PKN2: variants seen among roughly 807,000 people sequenced by gnomAD.
PKN2 encodes serine/threonine-protein kinase N2.
PKN2 carries 38 observed loss-of-function variants against 119.1 expected under a neutral mutation model. The ratio of observed to expected loss-of-function variants is 0.32; its 90% CI spans 0.25 to 0.42. PKN2 has a LOEUF of 0.42. Among genes scored for constraint, PKN2 ranks in the 10% least tolerant of loss-of-function variants. The probability of loss-of-function intolerance (pLI) is 1.00; values close to 1 mark genes in which losing one functional copy is unlikely to be tolerated. For synonymous variants in PKN2, 390 were observed against 384.9 expected (o/e 1.01, Z -0.15); for missense variants, 850 against 1,165.1 (o/e 0.73, Z 3.94).
chr1:88,793,352 A>G (rs1670925803), intron 8 of PKN2, among the ~76,000 whole-genome samples: 1 of 152,106 alleles, frequency 6.6e-6, no homozygotes, highest in Non-Finnish European at 1.5e-5. Flanking sequence ...ATGCTATGTG[A>G]TTCATCTGCA....
intron 15 of PKN2, among the ~76,000 whole-genome samples, chr1:88,808,600 G>C (rs1019359116): frequency 2.0e-5 from 3 of 152,066 alleles, no homozygotes; most frequent in Non-Finnish European, 2.9e-5. Flanking sequence ...CACCGTGCCC[G>C]GCCCCACAAT....
intron 2 of PKN2, among the ~76,000 whole-genome samples, chr1:88,758,576 A>C (rs944681791): frequency 6.6e-6 from 1 of 151,924 alleles, no homozygotes; most frequent in African/African-American, 2.4e-5. Context: ...GTTCTCCTCT[A>C]TGTGTCCATG....
chr1:88,697,777 A>T lies in PKN2; in HGVS notation c.48+13149A>T, dbSNP rs180867715. ...ATACTATGATTAGTGATTTTTCCTC[A>T]CCTGTATTTTTACTACATTCTGTCA... On this transcript the variant is annotated intron_variant, in intron 1 of 21. Coordinates refer to ENST00000370521, the MANE Select transcript of PKN2 (RefSeq NM_006256.4). Among the ~76,000 whole-genome samples the T allele has an allele frequency of 5.9e-5, 9 of 152,188 alleles. No individual in the cohort carries two copies. In the East Asian group the frequency reaches 1.5e-3, roughly 26 times the overall value.
chr1:88,786,883 C>G (rs891933507), intron 8 of PKN2, among the ~76,000 whole-genome samples: 1 of 151,654 alleles, frequency 6.6e-6, no homozygotes, highest in African/African-American at 2.4e-5. Context: ...ATTTACAATG[C>G]TTAACTATGT....
intron 1 of PKN2, among the ~76,000 whole-genome samples, chr1:88,706,115 A>G (rs1666993350): frequency 6.6e-6 from 1 of 152,196 alleles, no homozygotes; most frequent in Non-Finnish European, 1.5e-5. Flanking sequence ...TGTCTGTTCT[A>G]TGATAAACAA....
chr1:88,807,798 G>A, intron 15 of PKN2, 23 bp downstream of exon 15: 4 of 1,367,298 alleles, frequency 2.9e-6, no homozygotes, highest in African/African-American at 2.9e-5. Flanking sequence ...AAATGAAATT[G>A]TTTATTTTTC....
intron 1 of PKN2, among the ~76,000 whole-genome samples, chr1:88,714,192 G>A (rs1316630202): frequency 2.0e-5 from 3 of 152,136 alleles, no homozygotes; most frequent in Non-Finnish European, 4.4e-5. Context: ...TAGCCTTGTA[G>A]TATAGTTTAA....
In PKN2 at chr1:88,714,298, G is replaced by GT. The variant is rs1667359852; in HGVS notation, c.49-26684dup. The stretch of plus-strand genomic sequence containing the variant: ...TTGGTTCCGTATGAACTTTAAAGTA[G>GT]TTTTTTCCAATTCTGTGAAGAAAGG... On this transcript the variant is annotated intron_variant, in intron 1 of 21. Coordinates refer to ENST00000370521, the MANE Select transcript of PKN2 (RefSeq NM_006256.4). Among the ~76,000 whole-genome samples the GT allele has an allele frequency of 2.0e-5, 3 of 152,160 alleles. No individual in the cohort carries two copies. In the South Asian group the frequency reaches 6.2e-4, roughly 32 times the overall value.
At position 88,813,561 on chromosome 1, in the gene PKN2, A is replaced by G; in HGVS notation, c.2107A>G (p.Met703Val). 1 of 1,575,190 alleles carries G rather than the reference A, an allele frequency of 6.3e-7. No homozygotes were observed. The highest frequency in any genetic ancestry group is 1.2e-5 in the South Asian group (1 of 85,822). ...IVARDEVDSL[M>V]CEKRIFETVN... ...TTAAAATATTTTCTTTTACAGCCTG[A>G]TGTGTGAAAAAAGAATTTTTGAAAC... The change falls in exon 16 of 22, where the codon ATG becomes GTG. Residue 703 changes from methionine (M) to valine (V), a missense_variant. Physicochemically the swap from Met to Val is conservative, Grantham distance 21. Transcript: ENST00000370521.
At chr1:88,810,479 A>G (rs1419408029) in intron 15 of PKN2, among the ~76,000 whole-genome samples, 1 of 152,150 alleles carries the variant, frequency 6.6e-6, no homozygotes, top group Non-Finnish European at 1.5e-5. Context: ...TAAATAGTAA[A>G]TAACTCAAGC....
At chr1:88,784,362 A>G (rs750876234) in intron 6 of PKN2, among the ~76,000 whole-genome samples, 5 of 151,880 alleles carry the variant, frequency 3.3e-5, no homozygotes, top group South Asian at 2.1e-4. Context: ...AATTCAGGCA[A>G]TCCACCCAAA....
chr1:88,742,745 G>A (rs980170914), intron 2 of PKN2, among the ~76,000 whole-genome samples: 16 of 151,464 alleles, frequency 1.1e-4, no homozygotes, highest in Admixed American at 5.9e-4. Context: ...CTTTAGGAGC[G>A]GTCTAAAATA....
intron 1 of PKN2, among the ~76,000 whole-genome samples, chr1:88,733,923 G>C (rs756021442): frequency 6.6e-6 from 1 of 152,146 alleles, no homozygotes; most frequent in South Asian, 2.1e-4. Context: ...ATTTGGGGGG[G>C]TCAAGGCAGG....
chr1:88,709,957 AATG>A (rs1232792293), intron 1 of PKN2, among the ~76,000 whole-genome samples: 1 of 152,182 alleles, frequency 6.6e-6, no homozygotes, highest in Non-Finnish European at 1.5e-5. Context: ...CAGGTAAAAA[AATG>A]ATCCTTAGGA....
chr1:88,738,718 C>T (rs769659783), intron 1 of PKN2, among the ~76,000 whole-genome samples: 4 of 152,144 alleles, frequency 2.6e-5, no homozygotes, highest in Non-Finnish European at 4.4e-5. Flanking sequence ...AACAAATCTG[C>T]GAAAGCAGTT....
At chr1:88,722,540 T>C (rs926359253) in intron 1 of PKN2, among the ~76,000 whole-genome samples, 3 of 152,066 alleles carry the variant, frequency 2.0e-5, no homozygotes, top group Admixed American at 6.6e-5. Context: ...TTTGAGAGGC[T>C]AAGGCAGGAG....
At chr1:88,703,592 A>G (rs1337544884) in intron 1 of PKN2, among the ~76,000 whole-genome samples, 2 of 152,134 alleles carry the variant, frequency 1.3e-5, no homozygotes, top group African/African-American at 2.4e-5. Context: ...TCAAATAATT[A>G]TAGGGGTTTA....
At chr1:88,728,504 G>A (rs1299835530) in intron 1 of PKN2, among the ~76,000 whole-genome samples, 2 of 152,014 alleles carry the variant, frequency 1.3e-5, no homozygotes, top group Admixed American at 6.6e-5. Flanking sequence ...ACACTCCTGA[G>A]TGTAAGGGTT....
intron 18 of PKN2, among the ~76,000 whole-genome samples, chr1:88,827,600 C>CTCCCT (rs1672550631): frequency 1.6e-5 from 2 of 124,144 alleles, no homozygotes; most frequent in African/African-American, 3.0e-5. Context: ...AACCTGTACT[C>CTCCCT]TCCCTTCCCT....
Sources: allele counts gnomAD v4.1 joint callset (sites outside exome capture counted in the v4.1 genomes callset), GRCh38; gene constraint gnomAD v4.1.1; transcripts MANE v1.5; gene names NCBI Gene and HGNC (gene_info 2026-07-23, HGNC 2026-07-21).